The following RNF115 variants were observed in gnomAD, a reference collection of about 807,000 sequenced individuals.
The protein encoded by RNF115 is ring finger protein 115, also known as E3 ubiquitin-protein ligase RNF115.
RNF115 carries 31 observed loss-of-function variants against 39.2 expected under a neutral mutation model. The ratio of observed to expected loss-of-function variants is 0.79; its 90% CI spans 0.59 to 1.07. The LOEUF (loss-of-function observed/expected upper bound fraction) is 1.07. Among genes scored for constraint, RNF115 ranks in the 50% least tolerant of loss-of-function variants. The probability of loss-of-function intolerance (pLI) is 0.00; values close to 1 mark genes in which losing one functional copy is unlikely to be tolerated. For missense variants in RNF115, 384 were observed against 381.7 expected (o/e 1.01, Z -0.05); for synonymous variants, 124 against 131.0 (o/e 0.95, Z 0.37).
chr1:145,811,930 T>TACACAC (rs1281096665), intron 1 of RNF115, among the ~76,000 whole-genome samples: 1 of 112,176 alleles, frequency 8.9e-6, no homozygotes, highest in Non-Finnish European at 2.0e-5. Flanking sequence ...TATATATATA[T>TACACAC]ATACACACAC....
chr1:145,814,640 T>C (rs1649898923), intron 1 of RNF115, among the ~76,000 whole-genome samples: 1 of 151,848 alleles, frequency 6.6e-6, no homozygotes. Flanking sequence ...GCACATCTAG[T>C]TGGTACTTCC....
intron 1 of RNF115, among the ~76,000 whole-genome samples, chr1:145,792,416 G>A (rs782788963): frequency 2.2e-4 from 34 of 151,480 alleles, no homozygotes; most frequent in Non-Finnish European, 2.9e-5. Flanking sequence ...AGGCAGCCTC[G>A]AACTCCTGTG....
intron 4 of RNF115, among the ~76,000 whole-genome samples, chr1:145,766,478 TC>T (rs1647278846): frequency 6.6e-6 from 1 of 152,096 alleles, no homozygotes; most frequent in South Asian, 2.1e-4. Context: ...ACCGCCATTG[TC>T]ATCATGGCCT....
intron 1 of RNF115, among the ~76,000 whole-genome samples, chr1:145,801,944 C>T (rs1385974835): frequency 3.3e-5 from 5 of 152,126 alleles, no homozygotes; most frequent in Admixed American, 2.0e-4. Flanking sequence ...TATACCATTA[C>T]GCCCAGCTAA....
At chr1:145,758,987 C>A (rs1658403000) in intron 4 of RNF115, among the ~76,000 whole-genome samples, 2 of 152,240 alleles carry the variant, frequency 1.3e-5, no homozygotes, top group Non-Finnish European at 2.9e-5. Context: ...TAGAAACTCA[C>A]AGACGAGAAA....
intron 4 of RNF115, among the ~76,000 whole-genome samples, chr1:145,756,831 CTTTTTTTT>C (rs142073195): frequency 2.9e-5 from 2 of 67,830 alleles, no homozygotes; most frequent in South Asian, 5.4e-4. Context: ...TTTCTAGCTT[CTTTTTTTT>C]TTTTTTTTTT....
At chr1:145,784,415 C>T in intron 3 of RNF115, 124 bp downstream of exon 3, 1 of 858,432 alleles carries the variant, frequency 1.2e-6, no homozygotes, top group Non-Finnish European at 1.9e-6. Flanking sequence ...TTACTACGGC[C>T]CACATTTTTT....
chr1:145,816,063 T>C (rs1649979123), intron 1 of RNF115, among the ~76,000 whole-genome samples: 1 of 51,578 alleles, frequency 1.9e-5, no homozygotes, highest in Non-Finnish European at 3.3e-5. Context: ...TGTCCTCTTT[T>C]TGAATGGTTT....
chr1:145,822,322 A>AAG (rs1650299437), intron 1 of RNF115, among the ~76,000 whole-genome samples: 43 of 139,680 alleles, frequency 3.1e-4, no homozygotes, highest in African/African-American at 1.2e-3. Flanking sequence ...TCAAAAAAAA[A>AAG]AAAAGAAAAA....
intron 2 of RNF115, among the ~76,000 whole-genome samples, chr1:145,785,390 T>C (rs113785687): frequency 5.3e-5 from 8 of 152,298 alleles, no homozygotes; most frequent in Admixed American, 3.3e-4. Context: ...ATATCCTATA[T>C]TGACACTCAA....
intron 4 of RNF115, among the ~76,000 whole-genome samples, chr1:145,756,804 C>CATGTGTTCA (rs1163273234): frequency 1.5e-4 from 21 of 142,150 alleles, no homozygotes; most frequent in Admixed American, 6.5e-4. Context: ...CTTCTGTCTT[C>CATGTGTTCA]TGTGTTCATG....
At chr1:145,772,575 G>A (rs1050971610) in intron 3 of RNF115, 7 of 152,064 alleles carry the variant, frequency 4.6e-5, no homozygotes, top group African/African-American at 1.4e-4. Context: ...CATGGTTTCC[G>A]CTAAGAAATC....
At chr1:145,797,724 T>G (rs1253499708) in intron 1 of RNF115, among the ~76,000 whole-genome samples, 1 of 152,182 alleles carries the variant, frequency 6.6e-6, no homozygotes, top group Non-Finnish European at 1.5e-5. Flanking sequence ...TGCCATGCTG[T>G]TTTCCATCAC....
intron 4 of RNF115, among the ~76,000 whole-genome samples, chr1:145,767,172 C>G (rs1293419159): frequency 6.6e-6 from 1 of 151,272 alleles, no homozygotes; most frequent in Non-Finnish European, 1.5e-5. Flanking sequence ...CCTCACCTCC[C>G]GGACGGGGTG....
chr1:145,755,267 G>T (rs1228110455), intron 4 of RNF115, among the ~76,000 whole-genome samples: 2 of 151,584 alleles, frequency 1.3e-5, no homozygotes, highest in Non-Finnish European at 2.9e-5. Context: ...GCGGGGGGCA[G>T]TGCTTTCTCC....
intron 6 of RNF115, 46 bp from the exon 7 acceptor site, chr1:145,750,546 T>A (rs782629793): frequency 6.8e-7 from 1 of 1,467,910 alleles, no homozygotes; most frequent in East Asian, 2.3e-5. Context: ...GACATCGCAA[T>A]ATCCCTGGAG....
intron 2 of RNF115, 118 bp downstream of exon 2, chr1:145,788,788 TCA>T (rs782036145): frequency 7.8e-6 from 6 of 770,012 alleles, no homozygotes; most frequent in East Asian, 5.1e-5. Context: ...TCTCTCTCTC[TCA>T]CTCTCGCTCT....
intron 1 of RNF115, among the ~76,000 whole-genome samples, chr1:145,795,496 A>C (rs1316895993): frequency 6.6e-6 from 1 of 152,062 alleles, no homozygotes; most frequent in Non-Finnish European, 1.5e-5. Flanking sequence ...ATTTTTACAG[A>C]GTGCTGATTA....
At chr1:145,751,924 C>A (rs1281919384) in intron 5 of RNF115, among the ~76,000 whole-genome samples, 1 of 152,200 alleles carries the variant, frequency 6.6e-6, no homozygotes, top group African/African-American at 2.4e-5. Flanking sequence ...AGGCCGCCCA[C>A]AGTTCTGGAC....
Sources: gnomAD v4.1 joint callset for allele counts (sites outside exome capture counted in the v4.1 genomes callset) on GRCh38, gnomAD v4.1.1 for gene constraint, MANE v1.5 for transcripts, NCBI Gene and HGNC (gene_info 2026-07-23, HGNC 2026-07-21) for gene names.